SLC4A8: variants seen among roughly 807,000 people sequenced by gnomAD.
SLC4A8 encodes the protein electroneutral sodium bicarbonate exchanger 1.
A neutral mutation model predicts 125.0 loss-of-function variants in SLC4A8; 40 were observed. The ratio of observed to expected loss-of-function variants is 0.32; its 90% CI spans 0.25 to 0.42. The LOEUF (loss-of-function observed/expected upper bound fraction) is 0.42, where lower values mean the gene tolerates loss of function less well. SLC4A8 is among the 10% of genes least tolerant of loss of function. The pLI, the probability that SLC4A8 is intolerant of heterozygous loss-of-function variation, is 1.00. For synonymous variants in SLC4A8, 456 were observed against 476.0 expected (o/e 0.96, Z 0.55); for missense variants, 863 against 1,355.1 (o/e 0.64, Z 5.70).
chr12:51,402,812 G>A (rs761375225), intron 1 of SLC4A8, among the ~76,000 whole-genome samples: 37 of 152,190 alleles, frequency 2.4e-4, no homozygotes, highest in Admixed American at 6.5e-4. Context: ...GCACCATATG[G>A]TGATTCCACT....
chr12:51,436,526 T>A (rs1949420325), intron 1 of SLC4A8, among the ~76,000 whole-genome samples: 2 of 152,228 alleles, frequency 1.3e-5, no homozygotes, highest in Admixed American at 1.3e-4. Context: ...TTTCTATCTT[T>A]GTCTCTTCCA....
chr12:51,427,185 G>T (rs1003933695), intron 1 of SLC4A8, among the ~76,000 whole-genome samples: 2 of 151,992 alleles, frequency 1.3e-5, no homozygotes, highest in Admixed American at 6.6e-5. Context: ...TGATCTGCCC[G>T]CCTCGGCCTC....
At chr12:51,431,621 A>C (rs186353681) in intron 1 of SLC4A8, among the ~76,000 whole-genome samples, 149 of 151,920 alleles carry the variant, frequency 9.8e-4, no homozygotes, top group Non-Finnish European at 3.8e-4. Context: ...TTTTGTGGCT[A>C]TAGGGTGTTT....
chr12:51,464,875 G>A (rs1592230050), intron 11 of SLC4A8, among the ~76,000 whole-genome samples: 2 of 152,170 alleles, frequency 1.3e-5, no homozygotes, highest in East Asian at 3.9e-4. Context: ...AAACAGGAGA[G>A]AATGGCACTT....
chr12:51,508,060 G>T lies in SLC4A8; in HGVS notation c.*622G>T, dbSNP rs1938242812. 1 of 152,322 alleles carries T rather than the reference G, an allele frequency of 6.6e-6. No individual in the cohort carries two copies. The highest frequency in any genetic ancestry group is 2.4e-5 in the African/African-American group (1 of 41,468). The allele number at this position is 152,322 out of a possible 1,614,324, so 9.4% of individuals were successfully genotyped here. On this transcript the variant is annotated 3_prime_UTR_variant, in exon 25 of 25. Coordinates refer to ENST00000453097, the MANE Select transcript of SLC4A8 (RefSeq NM_001039960.3). ...CCACCACAGCCAGGAAGATGCCTCTGACCTGGGTGCATCTCCATCACTCCT... is the reference window on the plus strand; with the variant it reads ...CCACCACAGCCAGGAAGATGCCTCTTACCTGGGTGCATCTCCATCACTCCT...
intron 2 of SLC4A8, among the ~76,000 whole-genome samples, chr12:51,447,056 G>GTCTGTCTATCTATCTA (rs1949793767): frequency 8.8e-5 from 13 of 147,318 alleles, no homozygotes; most frequent in Middle Eastern, 3.2e-3. Flanking sequence ...CTGTCTGTCT[G>GTCTGTCTATCTATCTA]TCTATCTATC....
At position 51,510,929 on chromosome 12, in the gene SLC4A8, T is replaced by C. The variant is rs1482331208; in HGVS notation, c.*3491T>C. 1 of 152,224 alleles carries C rather than the reference T, an allele frequency of 6.6e-6. No individual in the cohort carries two copies. Among genetic ancestry groups the C allele is most frequent in the East Asian group, 1.9e-4 (1 of 5,200 alleles). The allele number at this position is 152,224 out of a possible 1,614,324, so 9.4% of individuals were successfully genotyped here. ...TCATTAGCTGATTGTTGGATCTCTT[T>C]GTGAGGTTCGATTTTTTAAAAATCC... On this transcript the variant is annotated 3_prime_UTR_variant, in exon 25 of 25. Coordinates refer to ENST00000453097, the MANE Select transcript of SLC4A8 (RefSeq NM_001039960.3).
At chr12:51,404,070 G>C (rs902639187) in intron 1 of SLC4A8, among the ~76,000 whole-genome samples, 2 of 152,206 alleles carry the variant, frequency 1.3e-5, no homozygotes, top group African/African-American at 4.8e-5. Flanking sequence ...TCAGGGTGAA[G>C]TCAGACTTGT....
At chr12:51,452,019 C>T (rs1029969465) in intron 3 of SLC4A8, 105 bp from the exon 4 acceptor site, 3 of 1,025,516 alleles carry the variant, frequency 2.9e-6, no homozygotes, top group African/African-American at 1.6e-5. Context: ...CTTCTGCATT[C>T]GTGGTTGTCT....
intron 1 of SLC4A8, among the ~76,000 whole-genome samples, chr12:51,397,838 G>A (rs181610564): frequency 1.3e-5 from 2 of 152,168 alleles, no homozygotes; most frequent in East Asian, 3.9e-4. Flanking sequence ...AGGCTAAGAC[G>A]GGAGGATTGC....
In SLC4A8 at chr12:51,425,670, G is replaced by C. The variant is rs76051697; in HGVS notation, c.48+635G>C. On this transcript the variant is annotated intron_variant, in intron 1 of 24. Coordinates refer to ENST00000453097, the MANE Select transcript of SLC4A8 (RefSeq NM_001039960.3). ...ATTAAAAAACCAAGGTTAAGTAACT[G>C]GTATTGGAACTGTTGGGGCGGCTAA... Among the ~76,000 whole-genome samples the C allele has an allele frequency of 5.8e-3, 876 of 152,264 alleles. 9 individuals are homozygous for C. The highest frequency in any genetic ancestry group is 0.02 in the African/African-American group (841 of 41,546).
At chr12:51,479,603 AGC>A (rs1950959566) in intron 16 of SLC4A8, among the ~76,000 whole-genome samples, 2 of 149,766 alleles carry the variant, frequency 1.3e-5, no homozygotes, top group Non-Finnish European at 3.0e-5. Flanking sequence ...GAATTGCTTG[AGC>A]CCAGGAGGTG....
At chr12:51,459,784 A>G (rs1049563592) in intron 7 of SLC4A8, among the ~76,000 whole-genome samples, 167 bp from the exon 8 acceptor site, 7 of 152,138 alleles carry the variant, frequency 4.6e-5, no homozygotes, top group Admixed American at 4.6e-4. Flanking sequence ...AAACACAAGA[A>G]TTGCTTGAAC....
intron 1 of SLC4A8, among the ~76,000 whole-genome samples, chr12:51,412,987 C>T (rs1332734718): frequency 6.6e-6 from 1 of 152,104 alleles, no homozygotes; most frequent in Non-Finnish European, 1.5e-5. Context: ...TTTAAGGAAC[C>T]TCCATACTGT....
intron 5 of SLC4A8, among the ~76,000 whole-genome samples, chr12:51,456,400 A>T (rs928857104): frequency 2.0e-5 from 3 of 152,182 alleles, no homozygotes; most frequent in African/African-American, 7.2e-5. Flanking sequence ...GAAATTGAGG[A>T]TAGGTTCAGA....
At chr12:51,404,035 G>A (rs1471793507) in intron 1 of SLC4A8, among the ~76,000 whole-genome samples, 2 of 152,166 alleles carry the variant, frequency 1.3e-5, no homozygotes, top group African/African-American at 4.8e-5. Context: ...TCTGCCTTAG[G>A]GTAGACAAGG....
At chr12:51,504,745 A>G (rs1406096549) in intron 23 of SLC4A8, among the ~76,000 whole-genome samples, 2 of 152,200 alleles carry the variant, frequency 1.3e-5, no homozygotes, top group Non-Finnish European at 2.9e-5. Context: ...GCAAGGGGGA[A>G]TTGAACTGGG....
intron 2 of SLC4A8, among the ~76,000 whole-genome samples, chr12:51,442,419 A>G (rs920999223): frequency 2.0e-5 from 3 of 152,022 alleles, no homozygotes; most frequent in Non-Finnish European, 4.4e-5. Flanking sequence ...ATTTATGAAC[A>G]CTCTTGTCTA....
intron 5 of SLC4A8, 110 bp from the exon 6 acceptor site, chr12:51,457,241 T>C (rs1414379289): frequency 2.2e-5 from 17 of 757,716 alleles, no homozygotes; most frequent in Non-Finnish European, 3.2e-5. Flanking sequence ...ATGACCCTAG[T>C]GGAGCTGCTT....
Sources: allele counts gnomAD v4.1 joint callset (sites outside exome capture counted in the v4.1 genomes callset), GRCh38; gene constraint gnomAD v4.1.1; transcripts MANE v1.5; gene names NCBI Gene and HGNC (gene_info 2026-07-23, HGNC 2026-07-21).